Variants in CSRNP3 observed in about 807,000 individuals in gnomAD.
CSRNP3 encodes the protein cysteine and serine rich nuclear protein 3.
A neutral mutation model predicts 48.0 loss-of-function variants in CSRNP3; 12 were observed. That is an observed-to-expected ratio of 0.25 (90% CI 0.16 to 0.41). The LOEUF (loss-of-function observed/expected upper bound fraction) is 0.41, where lower values mean the gene tolerates loss of function less well. CSRNP3 is among the 10% of genes least tolerant of loss of function. CSRNP3 has a pLI of 1.00. For synonymous variants in CSRNP3, 263 were observed against 269.7 expected (o/e 0.98, Z 0.24); for missense variants, 580 against 724.4 (o/e 0.80, Z 2.29).
intron 4 of CSRNP3, among the ~76,000 whole-genome samples, chr2:165,644,498 A>G (rs1268737867): frequency 1.3e-5 from 2 of 152,198 alleles, no homozygotes; most frequent in African/African-American, 4.8e-5. Context: ...ACCAACATAT[A>G]TAAGTGAGTT....
At position 165,551,486 on chromosome 2, in the gene CSRNP3, A is replaced by G. The variant is rs1016351485; in HGVS notation, c.-24+33525A>G. Among the ~76,000 whole-genome samples, 6 of 152,114 alleles carry G rather than the reference A, an allele frequency of 3.9e-5. No homozygotes were observed. The South Asian group carries it at 6.2e-4, about 16-fold the overall frequency. ...CTAAATCACAAGTGGAGATGGAGAA[A>G]TTTTAAGATAAAAACTCTCACATGT... On this transcript the variant is annotated intron_variant, in intron 3 of 6. Transcript: ENST00000651982.
intron 3 of CSRNP3, among the ~76,000 whole-genome samples, chr2:165,529,141 T>A (rs943495797): frequency 3.3e-5 from 5 of 152,118 alleles, no homozygotes; most frequent in African/African-American, 1.2e-4. Context: ...AAAATCAGAA[T>A]GAGATATTGC....
chr2:165,489,044 C>T (rs1203365985), intron 1 of CSRNP3, among the ~76,000 whole-genome samples: 3 of 143,516 alleles, frequency 2.1e-5, no homozygotes, highest in South Asian at 2.3e-4. Flanking sequence ...ATTGATAGAC[C>T]GCTAGCAAGA....
intron 3 of CSRNP3, among the ~76,000 whole-genome samples, chr2:165,542,087 CAAACTGTGCATTGACTTCCAGAACTTTTG>C (rs1211242582): frequency 1.3e-5 from 2 of 152,106 alleles, no homozygotes; most frequent in East Asian, 3.8e-4. Context: ...CATGGTTTTT[CAAACTGTGCATTGACTTCCAGAACTTTTG>C]ATACTTCATC....
chr2:165,604,099 C>A (rs575843280), intron 4 of CSRNP3, among the ~76,000 whole-genome samples: 84 of 152,278 alleles, frequency 5.5e-4, no homozygotes, highest in Non-Finnish European at 8.2e-4. Flanking sequence ...GTATTTGAAA[C>A]TTACCATTCA....
intron 3 of CSRNP3, among the ~76,000 whole-genome samples, chr2:165,550,568 T>G (rs575396899): frequency 6.6e-6 from 1 of 152,340 alleles, no homozygotes; most frequent in African/African-American, 2.4e-5. Context: ...TTGTTCCTGT[T>G]GACAACAGAG....
chr2:165,634,053 T>C (rs562699430), intron 4 of CSRNP3, among the ~76,000 whole-genome samples: 1 of 152,286 alleles, frequency 6.6e-6, no homozygotes, highest in South Asian at 2.1e-4. Flanking sequence ...AAAACATTAT[T>C]TGAGGTCCAG....
Position 165,657,748 on chromosome 2 carries a change from C to T in CSRNP3, c.149-13C>T, listed in dbSNP as rs1211153408. On this transcript the variant is annotated splice_polypyrimidine_tract_variant and intron_variant, in intron 4 of 6. Transcript: ENST00000651982. The stretch of plus-strand genomic sequence containing the variant: ...GCCCCAAGTGTTCACAGGATTGTTT[C>T]TTTCTCTTTCAGCTTCCTCCATTCT... The T allele has an allele frequency of 6.2e-7, 1 of 1,611,428 alleles. No individual in the cohort carries two copies. Among genetic ancestry groups the T allele is most frequent in the African/African-American group, 1.3e-5 (1 of 74,846 alleles).
At chr2:165,604,595 A>G (rs969601686) in intron 4 of CSRNP3, among the ~76,000 whole-genome samples, 1 of 152,230 alleles carries the variant, frequency 6.6e-6, no homozygotes, top group African/African-American at 2.4e-5. Context: ...CACTATAATT[A>G]TGCATTCTTA....
chr2:165,623,221 T>TA (rs1252628895), intron 4 of CSRNP3, among the ~76,000 whole-genome samples: 1 of 152,130 alleles, frequency 6.6e-6, no homozygotes, highest in East Asian at 1.9e-4. Context: ...CATGGACTGG[T>TA]ACCTGTCTAT....
chr2:165,617,636 A>G (rs1388747718), intron 4 of CSRNP3, among the ~76,000 whole-genome samples: 5 of 152,178 alleles, frequency 3.3e-5, no homozygotes, highest in African/African-American at 1.2e-4. Flanking sequence ...CAGTGGTTAT[A>G]GCAACCCAGA....
intron 3 of CSRNP3, among the ~76,000 whole-genome samples, chr2:165,569,072 G>A (rs879626776): frequency 3.3e-5 from 5 of 151,978 alleles, no homozygotes; most frequent in Non-Finnish European, 7.4e-5. Context: ...TGAGAACAGT[G>A]TATATTTCAT....
chr2:165,570,377 G>C (rs764267136), intron 3 of CSRNP3, among the ~76,000 whole-genome samples: 1 of 151,876 alleles, frequency 6.6e-6, no homozygotes, highest in Non-Finnish European at 1.5e-5. Context: ...TTAATTGCTA[G>C]CTATTTTCAT....
chr2:165,600,473 GGTA>G (rs1483414434), intron 4 of CSRNP3, among the ~76,000 whole-genome samples: 1 of 152,090 alleles, frequency 6.6e-6, no homozygotes, highest in Non-Finnish European at 1.5e-5. Flanking sequence ...TGGGTCAAAT[GGTA>G]TTTCTAGTTC....
intron 1 of CSRNP3, among the ~76,000 whole-genome samples, chr2:165,481,612 A>G (rs551389403): frequency 1.3e-5 from 2 of 152,236 alleles, no homozygotes; most frequent in Non-Finnish European, 2.9e-5. Context: ...CTCATTCCTG[A>G]TTTATAGTTC....
chr2:165,666,384 AG>A (rs1687202824), intron 5 of CSRNP3, among the ~76,000 whole-genome samples: 1 of 121,818 alleles, frequency 8.2e-6, no homozygotes, highest in African/African-American at 2.9e-5. Context: ...GAAGAAAGAG[AG>A]AGAGAGAAAG....
rs576353398 is a variant in CSRNP3 at position 165,553,234 on chromosome 2, C to T, written c.-24+35273C>T. Among the ~76,000 whole-genome samples the T allele has an allele frequency of 4.6e-5, 7 of 152,236 alleles. No individual in the cohort carries two copies. In the South Asian group the frequency reaches 1.0e-3, roughly 23 times the overall value. On this transcript the variant is annotated intron_variant, in intron 3 of 6. Coordinates refer to ENST00000651982, the MANE Select transcript of CSRNP3 (RefSeq NM_001172173.2). ...CAGTGATCAGAATCCTATAGCTCTT[C>T]GACCTCACTGGGACCTACCCTGCAT...
chr2:165,673,364 C>T (rs1178844441), intron 5 of CSRNP3, among the ~76,000 whole-genome samples: 1 of 151,850 alleles, frequency 6.6e-6, no homozygotes, highest in Non-Finnish European at 1.5e-5. Flanking sequence ...TCTCGAACTC[C>T]TGACCTCAAG....
chr2:165,491,963 A>AAAAAC (rs1684217554), intron 1 of CSRNP3, among the ~76,000 whole-genome samples: 1 of 151,432 alleles, frequency 6.6e-6, no homozygotes, highest in Non-Finnish European at 1.5e-5. Flanking sequence ...AAAAAAAAAA[A>AAAAAC]AAAACAAAGC....
Sources: allele counts gnomAD v4.1 joint callset (sites outside exome capture counted in the v4.1 genomes callset), GRCh38; gene constraint gnomAD v4.1.1; transcripts MANE v1.5; gene names NCBI Gene and HGNC (gene_info 2026-07-23, HGNC 2026-07-21).